OPTN: variants seen among roughly 807,000 people sequenced by gnomAD.
The protein encoded by OPTN is optineurin.
Under a neutral mutation model 70.4 loss-of-function variants are expected in OPTN, and 54 were observed. The observed-to-expected ratio is 0.77, with a 90% confidence interval of 0.62 to 0.96. OPTN has a LOEUF of 0.96. Ranked by LOEUF, OPTN falls within the 40% of genes least tolerant of loss-of-function variation. The pLI is 0.00. For synonymous variants in OPTN, 256 were observed against 248.5 expected, an observed-to-expected ratio of 1.03 and a Z score of -0.28; for missense variants, 624 against 673.2, an observed-to-expected ratio of 0.93 and a Z score of 0.81.
At chr10:13,109,502 G>A in intron 3 of OPTN, 1 of 563,886 alleles carries the variant, frequency 1.8e-6, no homozygotes, top group East Asian at 3.0e-5. Flanking sequence ...GTATCTCAAG[G>A]AAGTAGCATA....
chr10:13,125,933 T>C lies in OPTN; in HGVS notation c.1149-13T>C, dbSNP rs1833449149. 1 of 1,578,838 alleles carries C rather than the reference T, an allele frequency of 6.3e-7. No homozygotes were observed. The highest frequency in any genetic ancestry group is 1.3e-5 in the African/African-American group (1 of 74,262). ...TTCCCCAGGATTCCATTTTTTAATA[T>C]CTTTTTTAATAGGTCCAAATTAACT... On this transcript the variant is annotated splice_polypyrimidine_tract_variant and intron_variant, in intron 10 of 14. Coordinates refer to ENST00000378747, the MANE Select transcript of OPTN (RefSeq NM_001008212.2).
intron 1 of OPTN, chr10:13,104,545 G>T: frequency 1.8e-6 from 1 of 563,338 alleles, no homozygotes; most frequent in Non-Finnish European, 3.4e-6. Flanking sequence ...GAGGACATGG[G>T]TTTCTCTGCT....
intron 5 of OPTN, among the ~76,000 whole-genome samples, chr10:13,114,762 A>ATATATAATTATATAAT (rs71386158): frequency 0.013 from 1,104 of 83,730 alleles, 93 homozygotes; most frequent in Non-Finnish European, 0.019. Context: ...ATATAATTGC[A>ATATATAATTATATAAT]TATATAATTA....
In OPTN at chr10:13,133,531, A is replaced by T; in HGVS notation, c.1562A>T (p.His521Leu). ...RQSLMEMQSRHGARTSDSDQQ... is the reference protein window; with the variant it reads ...RQSLMEMQSRLGARTSDSDQQ... ...TCCTTGATGGAGATGCAGAGTCGTC[A>T]TGGGGCGAGAACAAGTGACTCTGAC... Residue 521 changes from histidine to leucine, a missense_variant, in exon 14 of 15, where the codon CAT (histidine) becomes CTT (leucine). His to Leu is a moderately conservative substitution (Grantham distance 99). Transcript: ENST00000378747. The T allele has an allele frequency of 1.2e-6, 2 of 1,614,136 alleles. No homozygotes were observed. The highest frequency in any genetic ancestry group is 8.5e-7 in the Non-Finnish European group (1 of 1,180,016).
At chr10:13,125,668 T>G in intron 10 of OPTN, 101 bp downstream of exon 10, 3 of 1,477,546 alleles carry the variant, frequency 2.0e-6, no homozygotes, top group Non-Finnish European at 2.8e-6. Context: ...TTTAAAAAAT[T>G]TCTTTTTCAC....
In OPTN at chr10:13,110,666, T is replaced by G. The variant is rs7921853; in HGVS notation, c.369+190T>G. ...CCTATTAAGGGTCATGGATAATCTC[T>G]TTTAGAAGAAAGAAATTTGTAAAGC... On this transcript the variant is annotated intron_variant, in intron 4 of 14. Coordinates refer to ENST00000378747, the MANE Select transcript of OPTN (RefSeq NM_001008212.2). 0.39 allele frequency among the ~76,000 whole-genome samples: 59,268 copies of G among 152,042 alleles called. 13,513 individuals are homozygous for G. The highest frequency in any genetic ancestry group is 0.52 in the Non-Finnish European group (35,538 of 67,950).
At chr10:13,117,753 T>C (rs1160837099) in intron 6 of OPTN, among the ~76,000 whole-genome samples, 2 of 152,200 alleles carry the variant, frequency 1.3e-5, no homozygotes, top group East Asian at 1.9e-4. Flanking sequence ...AGCTATCTCA[T>C]AGATTTGTAA....
At chr10:13,128,293 G>A (rs571644245) in intron 12 of OPTN, among the ~76,000 whole-genome samples, 251 of 152,126 alleles carry the variant, frequency 1.6e-3, no homozygotes, top group African/African-American at 2.1e-3. Context: ...GGTTGGACCA[G>A]TTTTCACTCC....
At chr10:13,110,499 ATGT>A (rs1832972279) in intron 4 of OPTN, 23 bp downstream of exon 4, 2 of 1,526,044 alleles carry the variant, frequency 1.3e-6, no homozygotes, top group African/African-American at 1.7e-5. Flanking sequence ...ATCCATTGTG[ATGT>A]TGTTTTTTTT....
In OPTN at chr10:13,117,742, C is replaced by T. The variant is rs541923361; in HGVS notation, c.627-1146C>T. On this transcript the variant is annotated intron_variant, in intron 6 of 14. Coordinates refer to ENST00000378747, the MANE Select transcript of OPTN (RefSeq NM_001008212.2). ...GATTACAGGCGTGAGCCACTGCGCC[C>T]AGCTATCTCATAGATTTGTAAAACC... 2.0e-5 allele frequency among the ~76,000 whole-genome samples: 3 copies of T among 152,274 alleles called. No individual in the cohort carries two copies. The South Asian group carries it at 6.2e-4, about 32-fold the overall frequency.
intron 1 of OPTN, among the ~76,000 whole-genome samples, chr10:13,104,254 CTTTTTTTTTT>C (rs60982439): frequency 2.0e-5 from 2 of 97,840 alleles, no homozygotes; most frequent in Non-Finnish European, 3.8e-5. Context: ...GTTTTTTTTT[CTTTTTTTTTT>C]TTTTTTTTTT....
At chr10:13,129,614 G>A (rs900603570) in intron 12 of OPTN, among the ~76,000 whole-genome samples, 2 of 152,150 alleles carry the variant, frequency 1.3e-5, no homozygotes, top group Non-Finnish European at 2.9e-5. Flanking sequence ...GATTACGGGC[G>A]TGAGCCACCG....
chr10:13,136,614 C>G, intron 14 of OPTN, 131 bp from the exon 15 acceptor site: 1 of 1,026,756 alleles, frequency 9.7e-7, no homozygotes, highest in Non-Finnish European at 1.5e-6. Flanking sequence ...GACCAAACAC[C>G]TGTGCTCATG....
chr10:13,112,011 C>T (rs1049171008), intron 4 of OPTN, among the ~76,000 whole-genome samples: 3 of 151,710 alleles, frequency 2.0e-5, no homozygotes, highest in Admixed American at 6.6e-5. Context: ...CCACGCCCAG[C>T]TAATCTTTTT....
At chr10:13,126,078 G>T in intron 11 of OPTN, 39 bp downstream of exon 11, 1 of 1,177,172 alleles carries the variant, frequency 8.5e-7, no homozygotes, top group South Asian at 1.2e-5. Flanking sequence ...GCCTAGTAAT[G>T]AACAGAAACT....
At chr10:13,122,565 A>G in intron 8 of OPTN, 78 bp downstream of exon 8, 1 of 924,470 alleles carries the variant, frequency 1.1e-6, no homozygotes, top group Non-Finnish European at 1.8e-6. Flanking sequence ...AAATCTTGTG[A>G]TGGGTTATTT....
chr10:13,116,246 C>G lies in OPTN; in HGVS notation c.553-21C>G, dbSNP rs752298953. 5 of 1,486,448 alleles carry G rather than the reference C, an allele frequency of 3.4e-6. No individual in the cohort carries two copies. The East Asian group carries it at 6.8e-5, about 20-fold the overall frequency. The allele number at this position is 1,486,448 out of a possible 1,614,324, so 92.1% of individuals were successfully genotyped here. On this transcript the variant is annotated intron_variant, in intron 5 of 14. Coordinates refer to ENST00000378747, the MANE Select transcript of OPTN (RefSeq NM_001008212.2). ...CTTGTAGACATATTGTGTTAAATCC[C>G]TTGCATTTCTGTTTTCACAGGAAGG...
At chr10:13,115,109 TATATTA>T (rs1833132880) in intron 5 of OPTN, among the ~76,000 whole-genome samples, 1 of 90,504 alleles carries the variant, frequency 1.1e-5, no homozygotes, top group African/African-American at 4.9e-5. Context: ...TATTTTTATA[TATATTA>T]TATATATATA....
At chr10:13,120,536 A>G (rs2131508738) in intron 7 of OPTN, among the ~76,000 whole-genome samples, 1 of 149,768 alleles carries the variant, frequency 6.7e-6, no homozygotes, top group African/African-American at 2.5e-5. Context: ...TGGCCACCGC[A>G]CTCCAGCCTG....
Sources: allele counts gnomAD v4.1 joint callset (sites outside exome capture counted in the v4.1 genomes callset), GRCh38; gene constraint gnomAD v4.1.1; transcripts MANE v1.5; gene names NCBI Gene and HGNC (gene_info 2026-07-23, HGNC 2026-07-21).